EPM2A: variants seen among roughly 807,000 people sequenced by gnomAD.
EPM2A encodes laforin.
EPM2A carries 21 observed loss-of-function variants against 26.5 expected under a neutral mutation model. That is an observed-to-expected ratio of 0.79 (90% CI 0.56 to 1.14). The LOEUF (loss-of-function observed/expected upper bound fraction) is 1.14. Among genes scored for constraint, EPM2A ranks in the 50% most tolerant of loss-of-function variants. The pLI, the probability that EPM2A is intolerant of heterozygous loss-of-function variation, is 0.00. For missense variants in EPM2A, 458 were observed against 440.8 expected, an observed-to-expected ratio of 1.04 and a Z score of -0.35; for synonymous variants, 217 against 177.6, an observed-to-expected ratio of 1.22 and a Z score of -1.76.
At chr6:145,594,694 G>A (rs776594799) in intron 2 of EPM2A, among the ~76,000 whole-genome samples, 33 of 151,836 alleles carry the variant, frequency 2.2e-4, no homozygotes, top group East Asian at 5.8e-4. Context: ...AATTAGAATT[G>A]CCAGATAAAA....
intron 1 of EPM2A, among the ~76,000 whole-genome samples, chr6:145,689,113 GAAT>G (rs1781115953): frequency 1.3e-5 from 2 of 152,122 alleles, no homozygotes; most frequent in Admixed American, 6.6e-5. Flanking sequence ...ATCTTCATAA[GAAT>G]TCTTCATTCC....
At chr6:145,595,156 C>A (rs1015780721) in intron 2 of EPM2A, among the ~76,000 whole-genome samples, 51 of 151,530 alleles carry the variant, frequency 3.4e-4, no homozygotes, top group African/African-American at 1.2e-3. Flanking sequence ...TGTCTATCTC[C>A]CCACTGGCTT....
chr6:145,572,648 A>C (rs971762291), intron 2 of EPM2A, among the ~76,000 whole-genome samples: 3 of 152,176 alleles, frequency 2.0e-5, no homozygotes, highest in Admixed American at 6.5e-5. Flanking sequence ...GCTTTGTACC[A>C]AAATCCTAGA....
At chr6:145,595,374 A>G (rs1346696807) in intron 2 of EPM2A, among the ~76,000 whole-genome samples, 1 of 151,862 alleles carries the variant, frequency 6.6e-6, no homozygotes, top group Non-Finnish European at 1.5e-5. Context: ...AAGACATACT[A>G]TAGGAATAGA....
intron 1 of EPM2A, among the ~76,000 whole-genome samples, chr6:145,714,861 C>A (rs1325324367): frequency 6.6e-6 from 1 of 152,184 alleles, no homozygotes; most frequent in African/African-American, 2.4e-5. Flanking sequence ...CCTCCCATAA[C>A]ATGTGGGAAT....
chr6:145,677,695 A>G (rs1018825161), intron 2 of EPM2A, among the ~76,000 whole-genome samples: 4 of 152,196 alleles, frequency 2.6e-5, no homozygotes, highest in Non-Finnish European at 5.9e-5. Flanking sequence ...CAAAGAGAAT[A>G]AAATACCTAG....
At chr6:145,485,007 T>A (rs1779655419) in intron 4 of EPM2A, among the ~76,000 whole-genome samples, 1 of 146,048 alleles carries the variant, frequency 6.8e-6, no homozygotes, top group African/African-American at 2.6e-5. Flanking sequence ...ATATATATAT[T>A]ATATATATAT....
chr6:145,696,360 G>T (rs1781569286), intron 1 of EPM2A, among the ~76,000 whole-genome samples: 1 of 152,062 alleles, frequency 6.6e-6, no homozygotes, highest in African/African-American at 2.4e-5. Context: ...AAGTTTTTGA[G>T]ATCCATTGCA....
intron 4 of EPM2A, among the ~76,000 whole-genome samples, chr6:145,473,521 T>C (rs1045640339): frequency 6.6e-6 from 1 of 151,794 alleles, no homozygotes; most frequent in African/African-American, 2.4e-5. Context: ...ACAGAGAACT[T>C]CCCAAACTGA....
chr6:145,405,569 A>G (rs557063448), intron 4 of EPM2A, among the ~76,000 whole-genome samples: 2 of 152,128 alleles, frequency 1.3e-5, no homozygotes, highest in African/African-American at 4.8e-5. Flanking sequence ...TAAGTTTTAA[A>G]CTCTCCTTTT....
intron 2 of EPM2A, among the ~76,000 whole-genome samples, chr6:145,669,970 T>G (rs1779526652): frequency 6.6e-6 from 1 of 152,168 alleles, no homozygotes; most frequent in South Asian, 2.1e-4. Context: ...AACTTCCACA[T>G]GCTCTCACTG....
chr6:145,680,933 T>C (rs963707540), intron 2 of EPM2A, among the ~76,000 whole-genome samples: 1 of 151,280 alleles, frequency 6.6e-6, no homozygotes, highest in Non-Finnish European at 1.5e-5. Flanking sequence ...GGTCAAATGG[T>C]ATTTCTAGTT....
At chr6:145,618,894 C>T (rs1404354288) in intron 2 of EPM2A, among the ~76,000 whole-genome samples, 2 of 152,132 alleles carry the variant, frequency 1.3e-5, no homozygotes, top group African/African-American at 4.8e-5. Flanking sequence ...TCTCAGGCAG[C>T]AGTGTCAAGA....
At chr6:145,525,259 T>A (rs1043439345) in intron 2 of EPM2A, among the ~76,000 whole-genome samples, 10 of 137,106 alleles carry the variant, frequency 7.3e-5, no homozygotes, top group Non-Finnish European at 1.6e-4. Context: ...TTATTTATTT[T>A]TTGCTTAGTA....
chr6:145,539,897 G>T (rs937162607), intron 2 of EPM2A, among the ~76,000 whole-genome samples: 27 of 152,118 alleles, frequency 1.8e-4, no homozygotes, highest in African/African-American at 6.5e-4. Context: ...TACCTTTCTT[G>T]TCAGGCTCTG....
intron 4 of EPM2A, among the ~76,000 whole-genome samples, chr6:145,477,752 A>G (rs1779560524): frequency 1.3e-5 from 2 of 151,880 alleles, no homozygotes; most frequent in South Asian, 4.1e-4. Flanking sequence ...GAAAACCATC[A>G]ACAAACTGGG....
intron 2 of EPM2A, among the ~76,000 whole-genome samples, chr6:145,616,373 A>T (rs1775512073): frequency 1.3e-5 from 2 of 152,244 alleles, no homozygotes; most frequent in South Asian, 4.1e-4. Flanking sequence ...ATTTAAGAAG[A>T]TGCATGGAAA....
chr6:145,458,078 C>T (rs1444499326), intron 4 of EPM2A, among the ~76,000 whole-genome samples: 1 of 152,202 alleles, frequency 6.6e-6, no homozygotes, highest in Non-Finnish European at 1.5e-5. Flanking sequence ...GCTACACTCA[C>T]CTATGTGGAA....
chr6:145,390,507 G>A (rs932164850), intron 4 of EPM2A, among the ~76,000 whole-genome samples: 15 of 151,630 alleles, frequency 9.9e-5, no homozygotes, highest in Non-Finnish European at 1.9e-4. Flanking sequence ...CTTTTCTTGG[G>A]TAAACAAAAG....
Sources: allele counts gnomAD v4.1 joint callset (sites outside exome capture counted in the v4.1 genomes callset), GRCh38; gene constraint gnomAD v4.1.1; transcripts MANE v1.5; gene names NCBI Gene and HGNC (gene_info 2026-07-23, HGNC 2026-07-21).